Variants in ATP13A4 observed in about 807,000 individuals in gnomAD.
ATP13A4 encodes the protein ATPase 13A4.
In ATP13A4, 114 loss-of-function variants were observed where a neutral mutation model predicts 142.5. The ratio of observed to expected loss-of-function variants is 0.80; its 90% CI spans 0.69 to 0.93. ATP13A4 has a LOEUF of 0.93. Ranked by LOEUF, ATP13A4 falls within the 40% of genes least tolerant of loss-of-function variation. The probability of loss-of-function intolerance (pLI) is 0.00; values close to 1 mark genes in which losing one functional copy is unlikely to be tolerated. For synonymous variants in ATP13A4, 488 were observed against 514.8 expected, an observed-to-expected ratio of 0.95 and a Z score of 0.70; for missense variants, 1,392 against 1,454.0, an observed-to-expected ratio of 0.96 and a Z score of 0.69.
chr3:193,426,882 A>G (rs1057482220), intron 25 of ATP13A4, among the ~76,000 whole-genome samples: 2 of 152,148 alleles, frequency 1.3e-5, no homozygotes, highest in East Asian at 1.9e-4. Flanking sequence ...AGTTAACAAC[A>G]TAAAATACTT....
intron 2 of ATP13A4, among the ~76,000 whole-genome samples, chr3:193,573,299 A>C (rs1412675343): frequency 0.011 from 833 of 78,304 alleles, 28 homozygotes; most frequent in African/African-American, 0.012. Flanking sequence ...ACACATATAT[A>C]TATATATACA....
chr3:193,551,088 T>C (rs146388910), intron 1 of ATP13A4, among the ~76,000 whole-genome samples: 148 of 152,276 alleles, frequency 9.7e-4, no homozygotes, highest in African/African-American at 3.4e-3. Flanking sequence ...TCCTCTCCAT[T>C]TATAAGTGGT....
At chr3:193,490,760 G>C (rs538352200) in intron 6 of ATP13A4, among the ~76,000 whole-genome samples, 1 of 152,102 alleles carries the variant, frequency 6.6e-6, no homozygotes, top group African/African-American at 2.4e-5. Flanking sequence ...AGTTTAGTAA[G>C]CTTGTTTTAA....
At position 193,432,698 on chromosome 3, in the gene ATP13A4, C is replaced by T. The variant is rs139255161; in HGVS notation, c.2842+1147G>A. ...ATTCTAGAAAAGCCAAACAAACCTGCATGTTGTGCACATGTACCCTAGAAC... is the reference window on the plus strand; with the variant it reads ...ATTCTAGAAAAGCCAAACAAACCTGTATGTTGTGCACATGTACCCTAGAAC... On this transcript the variant is annotated intron_variant, in intron 25 of 29. Transcript: ENST00000342695. Among the ~76,000 whole-genome samples the T allele has an allele frequency of 3.3e-3, 499 of 151,984 alleles. 4 individuals are homozygous for T. Among genetic ancestry groups the T allele is most frequent in the African/African-American group, 0.012 (480 of 41,496 alleles).
At chr3:193,530,241 T>C (rs2108701777) in intron 1 of ATP13A4, among the ~76,000 whole-genome samples, 1 of 152,242 alleles carries the variant, frequency 6.6e-6, no homozygotes, top group African/African-American at 2.4e-5. Flanking sequence ...TTATTTTTGT[T>C]TCTCAAATCC....
At chr3:193,429,586 CA>C (rs11303779) in intron 25 of ATP13A4, among the ~76,000 whole-genome samples, 106,034 of 151,752 alleles carry the variant, frequency 0.7, 37,841 homozygotes, top group Non-Finnish European at 0.77. Flanking sequence ...TTCATAGAGA[CA>C]AAAAATAGAT....
chr3:193,477,561 T>C (rs1719039336), intron 8 of ATP13A4, among the ~76,000 whole-genome samples: 1 of 151,930 alleles, frequency 6.6e-6, no homozygotes, highest in South Asian at 2.1e-4. Context: ...AACAACCATA[T>C]AAAATATATG....
chr3:193,489,805 G>A lies in ATP13A4; in HGVS notation c.663C>T (p.Asp221=), dbSNP rs147457301. ...TGATGGCAAAAGCATATTCCTTATA[G>A]TCTTCACTAAACCACAAACAGACAC... ...LFSVCLWFSE[D]YKEYAFAIII... is the part of the protein sequence containing the mutation. The change falls in exon 7 of 30, where the codon GAC becomes GAT. Residue 221 remains aspartate, a synonymous_variant. Transcript: ENST00000342695. The A allele has an allele frequency of 4.3e-6, 7 of 1,610,302 alleles. No individual in the cohort carries two copies. Among genetic ancestry groups the A allele is most frequent in the Non-Finnish European group, 5.9e-6 (7 of 1,176,638 alleles).
At chr3:193,440,333 A>G (rs1716552913) in intron 21 of ATP13A4, 1 of 778,614 alleles carries the variant, frequency 1.3e-6, no homozygotes, top group African/African-American at 1.8e-5. Flanking sequence ...AGTGAAAAAA[A>G]ATACTGATTT....
At chr3:193,429,293 C>A (rs745387255) in intron 25 of ATP13A4, among the ~76,000 whole-genome samples, 1 of 151,978 alleles carries the variant, frequency 6.6e-6, no homozygotes, top group Non-Finnish European at 1.5e-5. Flanking sequence ...GACCCAGATT[C>A]CACTTTATAC....
chr3:193,466,104 G>T lies in ATP13A4; in HGVS notation c.1193C>A (p.Ala398Asp). ...TACAAGGCACAGGAGGAACCTGATG[G>T]CATCCCTGTACAACTGAAAATTCAC... The part of the protein sequence containing the change: ...KPVNFQLYRD[A>D]IRFLLCLVGT... The change falls in exon 11 of 30, where the codon GCC (alanine) becomes GAC (aspartate). Residue 398 changes from alanine to aspartate, a missense_variant. Coordinates refer to ENST00000342695, the MANE Select transcript of ATP13A4 (RefSeq NM_032279.4). The T allele has an allele frequency of 6.2e-7, 1 of 1,614,054 alleles. No individual in the cohort carries two copies.
At position 193,486,998 on chromosome 3, in the gene ATP13A4, A is replaced by G. The variant is rs565585757; in HGVS notation, c.738+2732T>C. On this transcript the variant is annotated intron_variant, in intron 7 of 29. Coordinates refer to ENST00000342695, the MANE Select transcript of ATP13A4 (RefSeq NM_032279.4). ...CTAATGTAAGCAGTCGGCCAAGTGGAGTGGGAGAGAAAAATGGAGCCTTTA... is the reference window on the plus strand; with the variant it reads ...CTAATGTAAGCAGTCGGCCAAGTGGGGTGGGAGAGAAAAATGGAGCCTTTA... Among the ~76,000 whole-genome samples, 393 of 152,290 alleles carry G rather than the reference A, an allele frequency of 2.6e-3. 1 individual carries two copies. Among genetic ancestry groups the G allele is most frequent in the African/African-American group, 9.0e-3 (376 of 41,548 alleles).
chr3:193,412,152 C>T (rs1184490752), intron 27 of ATP13A4, 26 bp downstream of exon 27: 2 of 1,568,826 alleles, frequency 1.3e-6, no homozygotes, highest in East Asian at 2.2e-5. Flanking sequence ...GACTTCTCAC[C>T]TCTGATGCAG....
chr3:193,430,744 T>C (rs576977000), intron 25 of ATP13A4, among the ~76,000 whole-genome samples: 5 of 151,974 alleles, frequency 3.3e-5, no homozygotes, highest in Non-Finnish European at 7.4e-5. Flanking sequence ...TGAGTGGCAA[T>C]GTGGGTAGAG....
chr3:193,561,224 C>T (rs971221764), intron 2 of ATP13A4, among the ~76,000 whole-genome samples: 1 of 152,224 alleles, frequency 6.6e-6, no homozygotes, highest in East Asian at 1.9e-4. Context: ...GGGTGCTGAG[C>T]TGCAGAGAGC....
At chr3:193,573,271 A>ATACATATATATATG (rs1560287219) in intron 2 of ATP13A4, among the ~76,000 whole-genome samples, 1 of 93,596 alleles carries the variant, frequency 1.1e-5, no homozygotes, top group African/African-American at 5.2e-5. Context: ...ATATATATAT[A>ATACATATATATATG]TATACATATA....
intron 8 of ATP13A4, among the ~76,000 whole-genome samples, chr3:193,471,945 T>C (rs1039881436): frequency 1.2e-4 from 18 of 151,960 alleles, no homozygotes; most frequent in African/African-American, 4.1e-4. Flanking sequence ...CATGACCTGG[T>C]ATAGGGTGTC....
At chr3:193,549,417 AATATAT>A (rs10540639) in intron 1 of ATP13A4, among the ~76,000 whole-genome samples, 64 of 147,900 alleles carry the variant, frequency 4.3e-4, no homozygotes, top group African/African-American at 8.0e-4. Context: ...ATAATTATCA[AATATAT>A]ATATATATAT....
At chr3:193,462,968 A>G in intron 12 of ATP13A4, 145 bp from the exon 13 acceptor site, 1 of 740,326 alleles carries the variant, frequency 1.4e-6, no homozygotes, top group South Asian at 1.6e-5. Context: ...AACATAATGA[A>G]ACCACCTCCC....
Sources: gnomAD v4.1 joint callset for allele counts (sites outside exome capture counted in the v4.1 genomes callset) on GRCh38, gnomAD v4.1.1 for gene constraint, MANE v1.5 for transcripts, NCBI Gene and HGNC (gene_info 2026-07-23, HGNC 2026-07-21) for gene names.